The following FARS2 variants were observed in gnomAD, a reference collection of about 807,000 sequenced individuals.
The protein encoded by FARS2 is phenylalanyl-tRNA synthetase 2, mitochondrial, also known as phenylalanine--tRNA ligase, mitochondrial.
Under a neutral mutation model 46.4 loss-of-function variants are expected in FARS2, and 40 were observed. The ratio of observed to expected loss-of-function variants is 0.86; its 90% CI spans 0.67 to 1.12. FARS2 has a LOEUF of 1.12. FARS2 is among the 50% of genes most tolerant of loss of function. FARS2 has a pLI of 0.00. For missense variants in FARS2, 513 were observed against 567.9 expected (o/e 0.90, Z 0.98); for synonymous variants, 234 against 214.9 (o/e 1.09, Z -0.78).
chr6:5,713,362 A>G (rs1482273285), intron 6 of FARS2, among the ~76,000 whole-genome samples: 1 of 152,252 alleles, frequency 6.6e-6, no homozygotes, highest in Non-Finnish European at 1.5e-5. Flanking sequence ...AGTCAATTGT[A>G]AAATCACTAC....
intron 6 of FARS2, among the ~76,000 whole-genome samples, chr6:5,728,187 A>G (rs1760387492): frequency 6.6e-6 from 1 of 152,176 alleles, no homozygotes; most frequent in African/African-American, 2.4e-5. Context: ...GTTTCCTGAG[A>G]AACTTAAATG....
At chr6:5,741,172 C>T (rs1434333522) in intron 6 of FARS2, among the ~76,000 whole-genome samples, 1 of 152,192 alleles carries the variant, frequency 6.6e-6, no homozygotes, top group Non-Finnish European at 1.5e-5. Context: ...CCAACAGTCA[C>T]TTTAAGTTTG....
intron 1 of FARS2, among the ~76,000 whole-genome samples, chr6:5,285,987 A>G (rs373218767): frequency 2.8e-4 from 43 of 152,222 alleles, no homozygotes; most frequent in Admixed American, 2.1e-3. Flanking sequence ...TGCCTAGAAC[A>G]CTTCCTCTGT....
chr6:5,301,416 A>C (rs1432134303), intron 1 of FARS2, among the ~76,000 whole-genome samples: 1 of 152,116 alleles, frequency 6.6e-6, no homozygotes, highest in African/African-American at 2.4e-5. Flanking sequence ...GTGCCACTGT[A>C]CTGTAGCCTG....
intron 6 of FARS2, among the ~76,000 whole-genome samples, chr6:5,719,453 A>AGAAAGAGAAAGAGG (rs368441776): frequency 6.7e-6 from 1 of 149,030 alleles, no homozygotes; most frequent in Non-Finnish European, 1.5e-5. Context: ...AGAGAAAGAG[A>AGAAAGAGAAAGAGG]TAAAGAAAAG....
chr6:5,559,257 A>G (rs1178705690), intron 5 of FARS2, among the ~76,000 whole-genome samples: 3 of 152,092 alleles, frequency 2.0e-5, no homozygotes, highest in Non-Finnish European at 4.4e-5. Flanking sequence ...ATAAAAATAA[A>G]TTAGCTGGAC....
intron 2 of FARS2, among the ~76,000 whole-genome samples, chr6:5,379,993 C>G (rs1759651399): frequency 6.6e-6 from 1 of 152,186 alleles, no homozygotes; most frequent in Admixed American, 6.5e-5. Context: ...TCCTGAATGT[C>G]TAGAAGCCTT....
chr6:5,364,377 C>A (rs1758513615), intron 1 of FARS2, among the ~76,000 whole-genome samples: 1 of 152,220 alleles, frequency 6.6e-6, no homozygotes, highest in African/African-American at 2.4e-5. Context: ...TCTGCGAAGT[C>A]TGGCCTATTG....
intron 4 of FARS2, among the ~76,000 whole-genome samples, chr6:5,437,260 G>A (rs1346201952): frequency 6.6e-6 from 1 of 152,106 alleles, no homozygotes; most frequent in Non-Finnish European, 1.5e-5. Context: ...TTTTTATTTG[G>A]AGTAGTGTTT....
chr6:5,503,300 C>T (rs1180769682), intron 4 of FARS2, among the ~76,000 whole-genome samples: 3 of 151,000 alleles, frequency 2.0e-5, no homozygotes, highest in Non-Finnish European at 4.4e-5. Flanking sequence ...CTAGAAATTA[C>T]AGCACAAGGA....
intron 4 of FARS2, among the ~76,000 whole-genome samples, chr6:5,528,631 C>G (rs1159055242): frequency 6.6e-6 from 1 of 152,152 alleles, no homozygotes. Context: ...CACCACTTGT[C>G]CTTACATACA....
At chr6:5,558,935 T>C (rs1771828442) in intron 5 of FARS2, among the ~76,000 whole-genome samples, 1 of 152,072 alleles carries the variant, frequency 6.6e-6, no homozygotes, top group South Asian at 2.1e-4. Flanking sequence ...AACTCTTGGG[T>C]AACTGTGATT....
intron 6 of FARS2, among the ~76,000 whole-genome samples, chr6:5,710,041 A>G (rs1054345818): frequency 9.8e-5 from 15 of 152,302 alleles, no homozygotes; most frequent in African/African-American, 3.4e-4. Flanking sequence ...CTGCTGGCCA[A>G]CGCAGACCCT....
At chr6:5,594,649 A>G (rs1338143907) in intron 5 of FARS2, among the ~76,000 whole-genome samples, 1 of 152,178 alleles carries the variant, frequency 6.6e-6, no homozygotes, top group Non-Finnish European at 1.5e-5. Flanking sequence ...GGCTGGAATT[A>G]ATGAAACTTA....
intron 4 of FARS2, among the ~76,000 whole-genome samples, chr6:5,522,620 G>A (rs532560579): frequency 5.3e-5 from 8 of 152,328 alleles, no homozygotes; most frequent in African/African-American, 1.7e-4. Flanking sequence ...CTATTCCAAT[G>A]TCCTTTTAAG....
At chr6:5,608,616 A>G (rs112625068) in intron 5 of FARS2, among the ~76,000 whole-genome samples, 1 of 99,340 alleles carries the variant, frequency 1.0e-5, no homozygotes, top group Non-Finnish European at 2.4e-5. Context: ...TTCAATTTAG[A>G]TATATTGCAT....
intron 2 of FARS2, among the ~76,000 whole-genome samples, chr6:5,385,529 C>G (rs1226463065): frequency 4.6e-5 from 7 of 151,590 alleles, no homozygotes; most frequent in East Asian, 1.9e-4. Context: ...TCAAGCGATT[C>G]TTCTGCCTCA....
At chr6:5,413,824 C>CT (rs1762073467) in intron 3 of FARS2, among the ~76,000 whole-genome samples, 1 of 152,118 alleles carries the variant, frequency 6.6e-6, no homozygotes, top group South Asian at 2.1e-4. Flanking sequence ...GTACAAATCC[C>CT]TTTTTTTCTG....
intron 6 of FARS2, among the ~76,000 whole-genome samples, chr6:5,737,081 C>T (rs147945678): frequency 6.6e-6 from 1 of 152,198 alleles, no homozygotes; most frequent in South Asian, 2.1e-4. Flanking sequence ...AGGTACCATA[C>T]ATTAGCAACA....
Sources: allele counts gnomAD v4.1 joint callset (sites outside exome capture counted in the v4.1 genomes callset), GRCh38; gene constraint gnomAD v4.1.1; transcripts MANE v1.5; gene names NCBI Gene and HGNC (gene_info 2026-07-23, HGNC 2026-07-21).